TGFBR3: variants seen among roughly 807,000 people sequenced by gnomAD.
The protein encoded by TGFBR3 is transforming growth factor beta receptor 3.
A neutral mutation model predicts 87.9 loss-of-function variants in TGFBR3; 46 were observed. The ratio of observed to expected loss-of-function variants is 0.52; its 90% confidence interval spans 0.41 to 0.67. The LOEUF is 0.67. Among genes scored for constraint, TGFBR3 ranks in the 30% least tolerant of loss-of-function variants. TGFBR3 has a pLI of 0.00. For missense variants in TGFBR3, 866 were observed against 1,041.9 expected, an observed-to-expected ratio of 0.83 and a Z score of 2.32; for synonymous variants, 381 against 391.6, an observed-to-expected ratio of 0.97 and a Z score of 0.32.
At chr1:91,873,564 G>C (rs1043255668) in intron 1 of TGFBR3, among the ~76,000 whole-genome samples, 5 of 151,938 alleles carry the variant, frequency 3.3e-5, no homozygotes, top group African/African-American at 9.7e-5. Context: ...GCCTCCAAAA[G>C]TGTTGGGATT....
rs376911402 is a variant in TGFBR3 at position 91,680,865 on chromosome 1, AT to A, written c.*2873del. 1.2e-3 allele frequency: 523 copies of A among 447,506 alleles called. 1 individual carries two copies. Among genetic ancestry groups the A allele is most frequent in the African/African-American group, 5.2e-3 (259 of 49,702 alleles). 27.7% of individuals were successfully genotyped at this position (447,506 alleles called of 1,614,324 possible). A position where few individuals can be genotyped will look rare whatever the true frequency, so the allele number is the denominator to read the frequency against. ...TTATTACAAGGCAAAGAAAAAAACC[AT>A]TTTTTTTGTTTAGAAAATGCTATAG... On this transcript the variant is annotated 3_prime_UTR_variant, in exon 17 of 17. Transcript: ENST00000212355.
chr1:91,850,096 A>G (rs1346720043), intron 2 of TGFBR3, among the ~76,000 whole-genome samples: 2 of 150,650 alleles, frequency 1.3e-5, no homozygotes, highest in Non-Finnish European at 3.0e-5. Flanking sequence ...AAAAAAAAAA[A>G]AAAAAAAAGA....
At chr1:91,765,153 C>T (rs1485315072) in intron 3 of TGFBR3, among the ~76,000 whole-genome samples, 1 of 151,502 alleles carries the variant, frequency 6.6e-6, no homozygotes, top group African/African-American at 2.4e-5. Context: ...GCCAAAAGAT[C>T]GGACGCCCTG....
chr1:91,714,382 A>T lies in TGFBR3; in HGVS notation c.1867-1840T>A, dbSNP rs1672087217. 3.3e-5 allele frequency among the ~76,000 whole-genome samples: 5 copies of T among 152,368 alleles called. 1 individual carries two copies. In the South Asian group the frequency reaches 1.0e-3, roughly 32 times the overall value. On this transcript the variant is annotated intron_variant, in intron 12 of 16. Coordinates refer to ENST00000212355, the MANE Select transcript of TGFBR3 (RefSeq NM_003243.5). ...TTCCCCAAGACAAATGAACCAAAAG[A>T]AAACTGCCATTATGTGACCAACAGT...
At chr1:91,819,354 C>A (rs753233970) in intron 2 of TGFBR3, among the ~76,000 whole-genome samples, 1 of 148,468 alleles carries the variant, frequency 6.7e-6, no homozygotes, top group African/African-American at 2.5e-5. Context: ...GGTGACAGAG[C>A]AAGACTCCGT....
chr1:91,746,464 C>G lies in TGFBR3; in HGVS notation c.385-11505G>C, dbSNP rs566883178. 3.3e-5 allele frequency among the ~76,000 whole-genome samples: 5 copies of G among 152,284 alleles called. No homozygotes were observed. In the East Asian group the frequency reaches 9.7e-4, roughly 29 times the overall value. On this transcript the variant is annotated intron_variant, in intron 4 of 16. Coordinates refer to ENST00000212355, the MANE Select transcript of TGFBR3 (RefSeq NM_003243.5). ...TGCCAATGTTAGCCTGATGGAAGAG[C>G]TTACCCCCAAATTCAAAGTGCATTT... is the stretch of plus-strand genomic sequence containing the variant.
intron 16 of TGFBR3, among the ~76,000 whole-genome samples, chr1:91,694,566 C>T (rs1050589973): frequency 6.6e-5 from 10 of 152,208 alleles, no homozygotes; most frequent in South Asian, 2.1e-4. Context: ...AACAGCTTGA[C>T]GTTTTGTCTA....
chr1:91,745,189 C>T (rs1673299000), intron 4 of TGFBR3, among the ~76,000 whole-genome samples: 1 of 152,162 alleles, frequency 6.6e-6, no homozygotes, highest in Non-Finnish European at 1.5e-5. Flanking sequence ...TCAACACTTA[C>T]ACAATGAAAA....
chr1:91,810,528 G>C (rs975591223), intron 2 of TGFBR3, among the ~76,000 whole-genome samples: 1 of 152,218 alleles, frequency 6.6e-6, no homozygotes, highest in Non-Finnish European at 1.5e-5. Context: ...GGCAAGGACT[G>C]TGTTTCTTTT....
intron 2 of TGFBR3, among the ~76,000 whole-genome samples, chr1:91,846,872 C>T (rs1677521968): frequency 1.3e-5 from 2 of 152,084 alleles, no homozygotes; most frequent in East Asian, 3.9e-4. Context: ...CCAGACTGCT[C>T]CACATGCATG....
chr1:91,779,062 A>C (rs1393699453), intron 3 of TGFBR3, among the ~76,000 whole-genome samples: 1 of 152,118 alleles, frequency 6.6e-6, no homozygotes, highest in Non-Finnish European at 1.5e-5. Flanking sequence ...AGCAATGGTG[A>C]GAGTGCTGGG....
At chr1:91,735,551 A>T (rs1672939933) in intron 4 of TGFBR3, among the ~76,000 whole-genome samples, 1 of 152,232 alleles carries the variant, frequency 6.6e-6, no homozygotes, top group South Asian at 2.1e-4. Context: ...GAGTGAGATG[A>T]ATGTTTGTAA....
chr1:91,733,257 G>A (rs10783004), intron 5 of TGFBR3, among the ~76,000 whole-genome samples: 95,179 of 152,008 alleles, frequency 0.63, 30,745 homozygotes, highest in South Asian at 0.82. Context: ...GGCAACAAGC[G>A]TTAAACTCAA....
intron 2 of TGFBR3, among the ~76,000 whole-genome samples, chr1:91,858,460 A>C (rs1462717892): frequency 6.6e-6 from 1 of 151,498 alleles, no homozygotes; most frequent in Non-Finnish European, 1.5e-5. Flanking sequence ...ACTAAAATAC[A>C]AAAAATTAGC....
intron 1 of TGFBR3, chr1:91,861,857 C>CT (rs11414154): frequency 0.3 from 75,304 of 247,150 alleles, 7,198 homozygotes; most frequent in African/African-American, 0.31. Context: ...TTGTTATTGG[C>CT]TTTTTTTTTT....
chr1:91,716,184 A>AACTATAGCCCAGCACTAACCTAAAAGGT, intron 12 of TGFBR3, 52 bp downstream of exon 12: 1 of 1,610,118 alleles, frequency 6.2e-7, no homozygotes, highest in South Asian at 1.1e-5. Context: ...ATGTCTAAGG[A>AACTATAGCCCAGCACTAACCTAAAAGGT]ACTATAGCCC....
chr1:91,885,657 G>A lies in TGFBR3; in HGVS notation c.-114+221C>T, dbSNP rs367990505. Among the ~76,000 whole-genome samples, 49 of 152,312 alleles carry A rather than the reference G, an allele frequency of 3.2e-4. No homozygotes were observed. The South Asian group carries it at 0.01, about 32-fold the overall frequency. On this transcript the variant is annotated intron_variant, in intron 1 of 16. Transcript: ENST00000212355. ...CCGGGGGCACTGCCTGCCCCGTGCGGCCGCTGCCCACGCACCGCTGGCCAC... is the reference window on the plus strand; with the variant it reads ...CCGGGGGCACTGCCTGCCCCGTGCGACCGCTGCCCACGCACCGCTGGCCAC...
intron 2 of TGFBR3, among the ~76,000 whole-genome samples, chr1:91,847,275 A>AT (rs1224520304): frequency 6.6e-6 from 1 of 152,094 alleles, no homozygotes; most frequent in Admixed American, 6.6e-5. Context: ...AAAAATGTTA[A>AT]TTTTTTAAAA....
chr1:91,884,615 G>C (rs1181147139), intron 1 of TGFBR3, among the ~76,000 whole-genome samples: 1 of 152,204 alleles, frequency 6.6e-6, no homozygotes, highest in African/African-American at 2.4e-5. Context: ...AGAACTAACA[G>C]AAAGTTATGT....
Sources: allele counts gnomAD v4.1 joint callset (sites outside exome capture counted in the v4.1 genomes callset), GRCh38; gene constraint gnomAD v4.1.1; transcripts MANE v1.5; gene names NCBI Gene and HGNC (gene_info 2026-07-23, HGNC 2026-07-21).